DIP2C: variants seen among roughly 807,000 people sequenced by gnomAD.
DIP2C encodes DIP2 acetate--CoA ligase C (putative).
Under a neutral mutation model 192.4 loss-of-function variants are expected in DIP2C, and 33 were observed. That is an observed-to-expected ratio of 0.17 (90% confidence interval 0.13 to 0.23). The LOEUF (loss-of-function observed/expected upper bound fraction) is 0.23. Ranked by LOEUF, DIP2C falls within the 10% of genes least tolerant of loss-of-function variation. DIP2C has a pLI of 1.00. For missense variants in DIP2C, 1,537 were observed against 2,110.1 expected (o/e 0.73, Z 5.32); for synonymous variants, 979 against 864.1 (o/e 1.13, Z -2.33).
chr10:658,506 A>T (rs1420869489), intron 1 of DIP2C, among the ~76,000 whole-genome samples: 1 of 152,264 alleles, frequency 6.6e-6, no homozygotes, highest in African/African-American at 2.4e-5. Flanking sequence ...TGAAGCCGAC[A>T]GAATGAGGCA....
chr10:502,354 T>C (rs1226049440), intron 1 of DIP2C, among the ~76,000 whole-genome samples: 2 of 152,196 alleles, frequency 1.3e-5, no homozygotes, highest in Non-Finnish European at 2.9e-5. Flanking sequence ...CAAAGGAAAA[T>C]ACTTTTCAAG....
chr10:513,185 A>AGC (rs1588354358), intron 1 of DIP2C, among the ~76,000 whole-genome samples: 1 of 152,002 alleles, frequency 6.6e-6, no homozygotes, highest in African/African-American at 2.4e-5. Context: ...CAGGTGCTGT[A>AGC]TGCCTAAATT....
chr10:328,776 T>G (rs1957375990), intron 30 of DIP2C, among the ~76,000 whole-genome samples: 1 of 152,204 alleles, frequency 6.6e-6, no homozygotes, highest in South Asian at 2.1e-4. Context: ...TACAAAGACA[T>G]ACACACATCC....
intron 5 of DIP2C, among the ~76,000 whole-genome samples, chr10:422,551 T>C (rs377376900): frequency 6.6e-6 from 1 of 152,152 alleles, no homozygotes; most frequent in Non-Finnish European, 1.5e-5. Flanking sequence ...TAAGGTTTCA[T>C]GTAGGAGCAT....
At chr10:566,508 GT>G (rs1485179548) in intron 1 of DIP2C, among the ~76,000 whole-genome samples, 1 of 152,204 alleles carries the variant, frequency 6.6e-6, no homozygotes, top group Non-Finnish European at 1.5e-5. Context: ...TTACAGTTCA[GT>G]TAGACTTTGA....
chr10:409,163 G>A, intron 8 of DIP2C, 146 bp from the exon 9 acceptor site: 2 of 667,182 alleles, frequency 3.0e-6, no homozygotes, highest in Non-Finnish European at 5.0e-6. Flanking sequence ...GCTGAGCAAA[G>A]GGGGAACTGG....
In DIP2C at chr10:445,948, G is replaced by A. The variant is rs1485263112; in HGVS notation, c.269-4952C>T. On this transcript the variant is annotated intron_variant, in intron 3 of 36. Transcript: ENST00000280886. ...AGTCTCACAGGCCCACTGGGCGTCT[G>A]TATACATCTGTTGTGAAGAGTCTCA... 5.4e-5 allele frequency among the ~76,000 whole-genome samples: 8 copies of A among 148,212 alleles called. No individual in the cohort carries two copies. The South Asian group carries it at 1.7e-3, about 31-fold the overall frequency.
In DIP2C at chr10:461,670, G is replaced by C. The variant is rs192705311; in HGVS notation, c.268+10769C>G. ...ATATTCAGGACTTGAACTCAGCTCTGGGCCAAGCGGACCTAATAGACATCT... is the reference window on the plus strand; with the variant it reads ...ATATTCAGGACTTGAACTCAGCTCTCGGCCAAGCGGACCTAATAGACATCT... On this transcript the variant is annotated intron_variant, in intron 3 of 36. Coordinates refer to ENST00000280886, the MANE Select transcript of DIP2C (RefSeq NM_014974.3). 2.5e-3 allele frequency among the ~76,000 whole-genome samples: 380 copies of C among 152,238 alleles called. 2 individuals carry two copies. Among genetic ancestry groups the C allele is most frequent in the East Asian group, 5.0e-3 (26 of 5,180 alleles).
intron 6 of DIP2C, among the ~76,000 whole-genome samples, chr10:417,189 G>A (rs755757491): frequency 1.1e-4 from 17 of 152,074 alleles, no homozygotes; most frequent in Non-Finnish European, 1.9e-4. Flanking sequence ...AGCTTAATTT[G>A]GCAGATGTCA....
At chr10:355,841 C>T (rs1040630190) in intron 24 of DIP2C, among the ~76,000 whole-genome samples, 1 of 152,160 alleles carries the variant, frequency 6.6e-6, no homozygotes, top group African/African-American at 2.4e-5. Context: ...CTTTGGGAGG[C>T]CAAGGCAGGT....
chr10:343,181 C>A (rs987425081), intron 28 of DIP2C, among the ~76,000 whole-genome samples: 9 of 152,166 alleles, frequency 5.9e-5, no homozygotes, highest in African/African-American at 2.2e-4. Context: ...CCCAGCTACT[C>A]AGGAGGCTGA....
In DIP2C at chr10:341,126, C is replaced by T. The variant is rs1958125047; in HGVS notation, c.3584+73G>A. The T allele has an allele frequency of 1.2e-5, 19 of 1,602,814 alleles. No individual in the cohort carries two copies. The South Asian group carries it at 2.0e-4, about 17-fold the overall frequency. Reference sequence around the variant, plus strand: ...GGTGTGGGGGCAGTGCTTAGGTTGCCTGGCTGGGTCTAAGGTCTGGAGAGG... The same window carrying T: ...GGTGTGGGGGCAGTGCTTAGGTTGCTTGGCTGGGTCTAAGGTCTGGAGAGG... On this transcript the variant is annotated intron_variant, in intron 29 of 36. Transcript: ENST00000280886.
intron 1 of DIP2C, chr10:630,706 C>G: frequency 6.6e-6 from 1 of 152,270 alleles, no homozygotes; most frequent in East Asian, 1.9e-4. Flanking sequence ...AGGAAACAGA[C>G]CAGGTGGCAG....
At chr10:669,162 G>T (rs1210487672) in intron 1 of DIP2C, 1 of 152,168 alleles carries the variant, frequency 6.6e-6, no homozygotes, top group East Asian at 1.9e-4. Flanking sequence ...TCACACAACG[G>T]ACAATAGTTG....
At chr10:329,635 CTCAGCAAGGCT>C (rs1330013982) in intron 29 of DIP2C, 34 bp from the exon 30 acceptor site, 18 of 435,178 alleles carry the variant, frequency 4.1e-5, no homozygotes, top group Non-Finnish European at 6.8e-5. Context: ...AGGGCGGGAG[CTCAGCAAGGCT>C]GGAGCTCAGC....
chr10:376,873 G>C (rs1961661715), intron 17 of DIP2C, among the ~76,000 whole-genome samples: 1 of 152,160 alleles, frequency 6.6e-6, no homozygotes. Context: ...GGGAAATTCA[G>C]TGAAAAATGT....
At chr10:348,164 G>A (rs575695352) in intron 26 of DIP2C, among the ~76,000 whole-genome samples, 32 of 152,352 alleles carry the variant, frequency 2.1e-4, no homozygotes, top group Non-Finnish European at 3.4e-4. Context: ...TGCCCACACT[G>A]TTCTCCCCTG....
chr10:383,346 C>T (rs1304101229), intron 16 of DIP2C, among the ~76,000 whole-genome samples: 1 of 152,214 alleles, frequency 6.6e-6, no homozygotes, highest in Non-Finnish European at 1.5e-5. Context: ...AGTTTACAAA[C>T]ATGAACGTTG....
intron 1 of DIP2C, among the ~76,000 whole-genome samples, chr10:513,863 C>T (rs192869049): frequency 9.3e-4 from 141 of 151,522 alleles, no homozygotes; most frequent in African/African-American, 3.3e-3. Flanking sequence ...CATCTGCAAA[C>T]ATCGACAGTG....
Sources: allele counts gnomAD v4.1 joint callset (sites outside exome capture counted in the v4.1 genomes callset), GRCh38; gene constraint gnomAD v4.1.1; transcripts MANE v1.5; gene names NCBI Gene and HGNC (gene_info 2026-07-23, HGNC 2026-07-21).